Variants in RAI14 observed in about 807,000 individuals in gnomAD.
RAI14 encodes ankycorbin.
RAI14 carries 45 observed loss-of-function variants against 115.4 expected under a neutral mutation model. That is an observed-to-expected ratio of 0.39 (90% CI 0.31 to 0.50). The LOEUF is 0.50. Among genes scored for constraint, RAI14 ranks in the 20% least tolerant of loss-of-function variants. The probability of loss-of-function intolerance (pLI) is 0.85; values close to 1 mark genes in which losing one functional copy is unlikely to be tolerated. For missense variants in RAI14, 939 were observed against 1,131.2 expected, an observed-to-expected ratio of 0.83 and a Z score of 2.44; for synonymous variants, 371 against 415.4, an observed-to-expected ratio of 0.89 and a Z score of 1.30.
intron 2 of RAI14, 119 bp downstream of exon 2, chr5:34,687,074 C>G: frequency 9.5e-7 from 1 of 1,052,904 alleles, no homozygotes; most frequent in East Asian, 2.5e-5. Context: ...CTCAAGTGCT[C>G]TTGGCCCCAG....
chr5:34,706,702 T>C (rs1045594007), intron 2 of RAI14, among the ~76,000 whole-genome samples: 1 of 152,204 alleles, frequency 6.6e-6, no homozygotes, highest in South Asian at 2.1e-4. Context: ...TGCCTCCTAT[T>C]ACTGCAGGAG....
chr5:34,685,114 G>A (rs1220750102), intron 1 of RAI14: 1 of 152,054 alleles, frequency 6.6e-6, no homozygotes, highest in Non-Finnish European at 1.5e-5. Context: ...GGGCACAGTG[G>A]CTCATGCCTG....
chr5:34,679,084 C>T (rs1191569751), intron 1 of RAI14, among the ~76,000 whole-genome samples: 2 of 152,132 alleles, frequency 1.3e-5, no homozygotes, highest in African/African-American at 2.4e-5. Context: ...ATCAGACACC[C>T]GTCCAACCTC....
Position 34,752,698 on chromosome 5 carries a change from CATAT to C in RAI14, c.37-4767_37-4764del, listed in dbSNP as rs66644463. Among the ~76,000 whole-genome samples, 26 of 89,678 alleles carry C rather than the reference CATAT, an allele frequency of 2.9e-4. 2 individuals carry two copies. The East Asian group carries it at 4.1e-3, about 14-fold the overall frequency. 58.8% of individuals were successfully genotyped at this position (89,678 alleles called of 152,430 possible). ...CAGTAAGAAATATCTATATTTCTTA[CATAT>C]ATGTGTGTGTGTGTGTGTGTGTGTG... On this transcript the variant is annotated intron_variant, in intron 2 of 17. Coordinates refer to ENST00000265109, the MANE Select transcript of RAI14 (RefSeq NM_015577.3).
chr5:34,704,123 TG>T (rs1388022513), intron 2 of RAI14, among the ~76,000 whole-genome samples: 1 of 152,200 alleles, frequency 6.6e-6, no homozygotes. Context: ...AATTGAAGTT[TG>T]AGGTCTAATC....
intron 1 of RAI14, among the ~76,000 whole-genome samples, chr5:34,665,779 T>C (rs1743155156): frequency 6.6e-6 from 1 of 152,202 alleles, no homozygotes; most frequent in Admixed American, 6.5e-5. Context: ...AGTTTGAGAA[T>C]ACAATTACAA....
intron 3 of RAI14, among the ~76,000 whole-genome samples, chr5:34,786,369 T>C (rs567732944): frequency 2.0e-5 from 3 of 152,302 alleles, no homozygotes; most frequent in African/African-American, 7.2e-5. Context: ...CCCAGTGTCC[T>C]CTGGAAAAGA....
chr5:34,714,659 T>G (rs1433326832), intron 2 of RAI14, among the ~76,000 whole-genome samples: 1 of 152,220 alleles, frequency 6.6e-6, no homozygotes, highest in Non-Finnish European at 1.5e-5. Flanking sequence ...GAATAAAATA[T>G]CAGCAGGAAT....
intron 2 of RAI14, among the ~76,000 whole-genome samples, chr5:34,740,680 C>T (rs1452737962): frequency 6.6e-6 from 1 of 152,164 alleles, no homozygotes; most frequent in Non-Finnish European, 1.5e-5. Flanking sequence ...TGCACATGCT[C>T]GTCTGAAGCC....
intron 15 of RAI14, among the ~76,000 whole-genome samples, chr5:34,825,698 C>T (rs1757367155): frequency 6.6e-6 from 1 of 151,268 alleles, no homozygotes; most frequent in Non-Finnish European, 1.5e-5. Context: ...AGGGGAAGTT[C>T]AGGGGGATGG....
At chr5:34,745,203 A>G (rs1388025976) in intron 2 of RAI14, among the ~76,000 whole-genome samples, 1 of 152,204 alleles carries the variant, frequency 6.6e-6, no homozygotes, top group Non-Finnish European at 1.5e-5. Context: ...TTTAAATGAA[A>G]TAAATTATTT....
intron 1 of RAI14, among the ~76,000 whole-genome samples, chr5:34,660,322 C>T (rs1386755850): frequency 6.6e-6 from 1 of 152,142 alleles, no homozygotes; most frequent in Non-Finnish European, 1.5e-5. Flanking sequence ...ATCCCAGCTA[C>T]TCGGGAGGCT....
chr5:34,832,569 A>G lies in RAI14; in HGVS notation c.*1804A>G, dbSNP rs757253348. On this transcript the variant is annotated 3_prime_UTR_variant, in exon 18 of 18. Coordinates refer to ENST00000265109, the MANE Select transcript of RAI14 (RefSeq NM_015577.3). ...TAGTTTTTAGTATTTTGTCTTTGTA[A>G]TTTACAGAAGTTATTGGAGAAAATA... 4 of 152,568 alleles carry G rather than the reference A, an allele frequency of 2.6e-5. No homozygotes were observed. 9.5% of individuals were successfully genotyped at this position (152,568 alleles called of 1,614,324 possible). A position where few individuals can be genotyped will look rare whatever the true frequency, so the allele number is the denominator to read the frequency against.
At chr5:34,797,899 G>A (rs988591346) in intron 4 of RAI14, among the ~76,000 whole-genome samples, 5 of 152,256 alleles carry the variant, frequency 3.3e-5, no homozygotes, top group East Asian at 1.9e-4. Flanking sequence ...AACTGGTGCC[G>A]TCACACGGTT....
chr5:34,697,840 T>G (rs1418474495), intron 2 of RAI14, among the ~76,000 whole-genome samples: 2 of 152,184 alleles, frequency 1.3e-5, no homozygotes, highest in Non-Finnish European at 2.9e-5. Flanking sequence ...CATCTGACTC[T>G]CAAATTTTAG....
chr5:34,727,662 T>C (rs2150012743), intron 2 of RAI14, among the ~76,000 whole-genome samples: 1 of 152,326 alleles, frequency 6.6e-6, no homozygotes, highest in Middle Eastern at 3.4e-3. Context: ...CAGCTTGGGC[T>C]GTGGCTTCAG....
chr5:34,697,447 AAG>A (rs1739405119), intron 2 of RAI14, among the ~76,000 whole-genome samples: 3 of 151,376 alleles, frequency 2.0e-5, no homozygotes, highest in Non-Finnish European at 2.9e-5. Context: ...AAAAAAAAAA[AAG>A]AAAAAAAAAA....
chr5:34,717,146 A>C (rs1453069012), intron 2 of RAI14, among the ~76,000 whole-genome samples: 2 of 152,162 alleles, frequency 1.3e-5, no homozygotes. Context: ...AAACACATGC[A>C]TTTCTTTCAT....
chr5:34,807,171 G>C (rs988956589), intron 5 of RAI14, among the ~76,000 whole-genome samples: 1 of 152,150 alleles, frequency 6.6e-6, no homozygotes, highest in Non-Finnish European at 1.5e-5. Context: ...CCAGGGAAAA[G>C]AGCTTAGAGG....
Sources: gnomAD v4.1 joint callset for allele counts (sites outside exome capture counted in the v4.1 genomes callset) on GRCh38, gnomAD v4.1.1 for gene constraint, MANE v1.5 for transcripts, NCBI Gene and HGNC (gene_info 2026-07-23, HGNC 2026-07-21) for gene names.